Variants in GLT6D1 observed in about 807,000 individuals in gnomAD.
The protein encoded by GLT6D1 is putative glycosyltransferase 6 domain-containing protein 1.
In GLT6D1, 9 loss-of-function variants were observed where a neutral mutation model predicts 12.3. The observed-to-expected ratio is 0.73, with a 90% CI of 0.44 to 1.27. The LOEUF is 1.27. GLT6D1 is among the 50% of genes most tolerant of loss of function. GLT6D1 has a pLI of 0.00. For synonymous variants in GLT6D1, 128 were observed against 132.3 expected (o/e 0.97, Z 0.23); for missense variants, 335 against 346.2 (o/e 0.97, Z 0.26).
At chr9:135,639,908 A>G (rs1052602240), upstream of GLT6D1, among the ~76,000 whole-genome samples, 2 of 150,002 alleles carry the variant, frequency 1.3e-5, no homozygotes, top group African/African-American at 4.9e-5. Flanking sequence ...CAGTGGCACA[A>G]TCTTGGCTCA....
At chr9:135,640,780 G>A (rs144324261), upstream of GLT6D1, among the ~76,000 whole-genome samples, 2 of 152,210 alleles carry the variant, frequency 1.3e-5, no homozygotes, top group African/African-American at 4.8e-5. Flanking sequence ...TATTTCTATG[G>A]GGCAGTTCTT....
intron 2 of GLT6D1, among the ~76,000 whole-genome samples, chr9:135,631,921 C>T (rs11103109): frequency 0.22 from 33,052 of 151,992 alleles, 4,041 homozygotes; most frequent in Middle Eastern, 0.35. Context: ...TTAAGAGATG[C>T]GTTCTCACTT....
intron 2 of GLT6D1, among the ~76,000 whole-genome samples, chr9:135,637,686 A>G (rs530376977): frequency 1.5e-3 from 223 of 152,214 alleles, no homozygotes; most frequent in Non-Finnish European, 2.6e-3. Flanking sequence ...CCATCTGTAT[A>G]TCTTCTCTTG....
At chr9:135,637,267 A>G (rs947375120) in intron 2 of GLT6D1, among the ~76,000 whole-genome samples, 2 of 148,618 alleles carry the variant, frequency 1.3e-5, no homozygotes, top group South Asian at 2.2e-4. Flanking sequence ...CACTTCATGA[A>G]CCACAGCTTG....
At chr9:135,628,401 T>C (rs541970787) in intron 3 of GLT6D1, among the ~76,000 whole-genome samples, 1 of 152,274 alleles carries the variant, frequency 6.6e-6, no homozygotes, top group South Asian at 2.1e-4. Context: ...TTTCATACAT[T>C]GAACCAACCT....
intron 2 of GLT6D1, among the ~76,000 whole-genome samples, chr9:135,634,913 C>T (rs1053472298): frequency 3.3e-5 from 5 of 152,182 alleles, no homozygotes; most frequent in Admixed American, 2.6e-4. Flanking sequence ...GGCTTCTCCA[C>T]GCAAAGACTG....
chr9:135,632,812 C>A (rs1833679918), intron 2 of GLT6D1, among the ~76,000 whole-genome samples: 1 of 151,828 alleles, frequency 6.6e-6, no homozygotes, highest in Non-Finnish European at 1.5e-5. Context: ...GGATTACAGG[C>A]ACACGCCACC....
chr9:135,634,120 G>T (rs1230609564), intron 2 of GLT6D1, among the ~76,000 whole-genome samples: 1 of 152,102 alleles, frequency 6.6e-6, no homozygotes, highest in Non-Finnish European at 1.5e-5. Context: ...CCAAAGCAGT[G>T]GGGGTGGTCA....
rs1314112882 is a variant in GLT6D1, at chr9:135,624,334, C to G, written c.594G>C (p.Trp198Cys). 6.2e-7 allele frequency: 1 copy of G among 1,611,870 alleles called. No homozygotes were observed. Among genetic ancestry groups the G allele is most frequent in the South Asian group, 1.1e-5 (1 of 90,840 alleles). ...GGAAGTTCTTGGTGTTTCTGAAATA[C>G]CACCAGGCGTGGAGCTGGGCCACCA... is the stretch of plus-strand genomic sequence containing the variant. ...GPLVAQLHAWWYFRNTKNFPY... is the reference protein window; with the variant it reads ...GPLVAQLHAWCYFRNTKNFPY... Residue 198 changes from tryptophan to cysteine, a missense_variant, in exon 5 of 5, where the codon TGG becomes TGC. Coordinates refer to ENST00000371763, the MANE Select transcript of GLT6D1 (RefSeq NM_182974.3).
At position 135,639,364 on chromosome 9, in the gene GLT6D1, T is replaced by G; in HGVS notation, c.-78A>C. The G allele has an allele frequency of 2.0e-6, 1 of 512,054 alleles. No individual in the cohort carries two copies. The highest frequency in any genetic ancestry group is 3.5e-6 in the Non-Finnish European group (1 of 287,322). 31.7% of individuals were successfully genotyped at this position (512,054 alleles called of 1,614,324 possible). ...TGAGTTAGGGAAGCCTCTGTTCTCC[T>G]TCAAGTGCCCGGGGCTGACTGTTCC... On this transcript the variant is annotated 5_prime_UTR_variant, in exon 1 of 5. Transcript: ENST00000371763.
chr9:135,639,321 T>A lies in GLT6D1; in HGVS notation c.-35A>T, dbSNP rs1833845369. 1.8e-6 allele frequency: 1 copy of A among 549,194 alleles called. No homozygotes were observed. Among genetic ancestry groups the A allele is most frequent in the Admixed American group, 3.5e-5 (1 of 28,576 alleles). 34.0% of individuals were successfully genotyped at this position (549,194 alleles called of 1,614,324 possible). On this transcript the variant is annotated 5_prime_UTR_variant, in exon 1 of 5. Transcript: ENST00000371763. ...AGAGGTTGCTTCTAGAATGTTCAGC[T>A]GGCAGGAGACAGCGACTTGAGTTAG...
rs554600414 is a variant in GLT6D1 at position 135,631,459 on chromosome 9, GTTC to G, written c.88_90del (p.Glu30del). 3,233 of 1,611,722 alleles carry G rather than the reference GTTC, an allele frequency of 2.0e-3. 80 individuals are homozygous for G. The highest frequency in any genetic ancestry group is 1.7e-4 in the Non-Finnish European group (202 of 1,177,842). On this transcript the variant is annotated inframe_deletion, in exon 3 of 5. Transcript: ENST00000371763. ...GGATGAAACCAGTCTGAGAGCCGAA[GTTC>G]TTCTACTTGGTGATTCCTGGATACA...
At position 135,624,166 on chromosome 9, in the gene GLT6D1, G is replaced by T. The variant is rs539445160; in HGVS notation, c.762C>A (p.Ile254=). The change falls in exon 5 of 5, where the codon ATC becomes ATA. Residue 254 remains isoleucine, a synonymous_variant. Coordinates refer to ENST00000371763, the MANE Select transcript of GLT6D1 (RefSeq NM_182974.3). ...KEYLNGVIHD[I]KNGLNSTYEK... Reference sequence around the variant, plus strand: ...CATAAGTGCTATTGAGTCCATTTTTGATGTCATGAATAACTCCGTTCAGAT... The same window carrying T: ...CATAAGTGCTATTGAGTCCATTTTTTATGTCATGAATAACTCCGTTCAGAT... 1.9e-6 allele frequency: 3 copies of T among 1,613,378 alleles called. No individual in the cohort carries two copies. Among genetic ancestry groups the T allele is most frequent in the Admixed American group, 1.7e-5 (1 of 59,886 alleles).
chr9:135,626,265 G>A, intron 3 of GLT6D1, 59 bp from the exon 4 acceptor site: 1 of 1,590,554 alleles, frequency 6.3e-7, no homozygotes, highest in Non-Finnish European at 8.6e-7. Context: ...GGCAGCAGGT[G>A]CCGAGCAGTA....
chr9:135,634,442 C>CTTTTTTTTTTTTTTTTTTTTTTTTT (rs370291630), intron 2 of GLT6D1, among the ~76,000 whole-genome samples: 2 of 54,862 alleles, frequency 3.6e-5, no homozygotes, highest in Non-Finnish European at 6.2e-5. Flanking sequence ...TTTTCCTTTC[C>CTTTTTTTTTTTTTTTTTTTTTTTTT]TTTTTTTTTT....
chr9:135,626,779 G>A (rs1292317189), intron 3 of GLT6D1, among the ~76,000 whole-genome samples: 1 of 151,974 alleles, frequency 6.6e-6, no homozygotes, highest in Non-Finnish European at 1.5e-5. Flanking sequence ...TGAGAGATGA[G>A]TCCAAAACCG....
At chr9:135,625,824 G>A (rs1427655476) in intron 4 of GLT6D1, among the ~76,000 whole-genome samples, 1 of 152,200 alleles carries the variant, frequency 6.6e-6, no homozygotes. Context: ...ACTGTGCTGG[G>A]TGTGCCTGCC....
chr9:135,636,812 G>A (rs1051606016), intron 2 of GLT6D1, among the ~76,000 whole-genome samples: 1 of 152,022 alleles, frequency 6.6e-6, no homozygotes, highest in Non-Finnish European at 1.5e-5. Context: ...TGCATTTAGG[G>A]TTCCTCCATG....
chr9:135,634,343 G>A (rs1023202558), intron 2 of GLT6D1, among the ~76,000 whole-genome samples: 2 of 151,258 alleles, frequency 1.3e-5, no homozygotes, highest in Non-Finnish European at 2.9e-5. Flanking sequence ...CAGCCAGCTG[G>A]TCTCCAACTC....
Sources: allele counts gnomAD v4.1 joint callset (sites outside exome capture counted in the v4.1 genomes callset), GRCh38; gene constraint gnomAD v4.1.1; transcripts MANE v1.5; gene names NCBI Gene and HGNC (gene_info 2026-07-23, HGNC 2026-07-21).